Variants in RGS5 observed in about 807,000 individuals in gnomAD.
RGS5 encodes the protein regulator of G protein signaling 5.
Under a neutral mutation model 18.9 loss-of-function variants are expected in RGS5, and 20 were observed. The observed-to-expected ratio is 1.06, with a 90% confidence interval of 0.74 to 1.54. RGS5 has a LOEUF of 1.54. Among genes scored for constraint, RGS5 ranks in the 40% most tolerant of loss-of-function variants. The probability of loss-of-function intolerance (pLI) is 0.00; values close to 1 mark genes in which losing one functional copy is unlikely to be tolerated. For missense variants in RGS5, 201 were observed against 211.8 expected (o/e 0.95, Z 0.32); for synonymous variants, 57 against 76.2 (o/e 0.75, Z 1.31).
chr1:163,274,255 T>G (rs900016756), intron 2 of RGS5, among the ~76,000 whole-genome samples: 3 of 151,662 alleles, frequency 2.0e-5, no homozygotes, highest in African/African-American at 7.3e-5. Context: ...AGACAAGAAA[T>G]TAGAGGGTTG....
At chr1:163,236,229 C>T (rs1038274130) in intron 2 of RGS5, among the ~76,000 whole-genome samples, 1 of 151,972 alleles carries the variant, frequency 6.6e-6, no homozygotes, top group Admixed American at 6.6e-5. Flanking sequence ...TTTCCCAAAA[C>T]ACCTCATTGA....
intron 2 of RGS5, among the ~76,000 whole-genome samples, chr1:163,227,374 A>G (rs1439337643): frequency 6.6e-6 from 1 of 152,178 alleles, no homozygotes; most frequent in Non-Finnish European, 1.5e-5. Flanking sequence ...GGGTGGCAGG[A>G]GAGAGAATGA....
At chr1:163,197,037 T>C (rs748478777) in intron 1 of RGS5, among the ~76,000 whole-genome samples, 1 of 152,182 alleles carries the variant, frequency 6.6e-6, no homozygotes, top group Non-Finnish European at 1.5e-5. Flanking sequence ...GGGAGGACTA[T>C]CTTTCCCCTG....
rs1392771881 is a variant in RGS5, at chr1:163,152,612, T to C, written c.322A>G (p.Lys108Glu). 1.2e-6 allele frequency: 2 copies of C among 1,612,952 alleles called. No homozygotes were observed. Among genetic ancestry groups the C allele is most frequent in the Non-Finnish European group, 1.7e-6 (2 of 1,179,398 alleles). The part of the protein sequence containing the change: ...EDYKKIKSPA[K>E]MAEKAKQIYE... ...ATTTGCTTTGCCTTCTCAGCCATCT[T>C]GGCAGGGGACTTGATCTTCTTGTAA... The change falls in exon 4 of 5, where the codon AAG becomes GAG. Residue 108 changes from lysine (K) to glutamate (E), a missense_variant. Lys to Glu is a moderately conservative substitution (Grantham distance 56). Transcript: ENST00000313961.
chr1:163,236,448 C>T lies in RGS5; in HGVS notation c.-280-68080G>A, dbSNP rs184908398. The stretch of plus-strand genomic sequence containing the variant: ...GGAAAATTGTAACAAATATACATAC[C>T]TATGATGACTATAAATGTGAATGGC... On this transcript the variant is annotated intron_variant, in intron 2 of 5. Coordinates refer to the RGS5 transcript ENST00000618415. Among the ~76,000 whole-genome samples the T allele has an allele frequency of 3.3e-5, 5 of 152,080 alleles. No homozygotes were observed. The East Asian group carries it at 9.7e-4, about 29-fold the overall frequency.
intron 2 of RGS5, among the ~76,000 whole-genome samples, chr1:163,234,229 T>G (rs1010419483): frequency 1.3e-5 from 2 of 152,208 alleles, no homozygotes; most frequent in Non-Finnish European, 2.9e-5. Flanking sequence ...ATAAAATTCC[T>G]CTCTATTTCT....
intron 2 of RGS5, among the ~76,000 whole-genome samples, chr1:163,253,759 C>A (rs1182056504): frequency 2.0e-5 from 3 of 151,602 alleles, no homozygotes; most frequent in African/African-American, 7.3e-5. Context: ...ATTAACTCGT[C>A]ATTTAGCATT....
upstream of RGS5, among the ~76,000 whole-genome samples, chr1:163,222,462 A>T (rs1176214170): frequency 1.3e-5 from 2 of 152,132 alleles, no homozygotes; most frequent in Non-Finnish European, 2.9e-5. Context: ...GGGGACCATC[A>T]TATCACCTGA....
chr1:163,199,436 C>T (rs1238283693), intron 1 of RGS5, among the ~76,000 whole-genome samples: 1 of 152,082 alleles, frequency 6.6e-6, no homozygotes, highest in Non-Finnish European at 1.5e-5. Context: ...TTAGATTTCT[C>T]CTTACATGTC....
At chr1:163,217,107 G>A (rs1184943622) in intron 1 of RGS5, among the ~76,000 whole-genome samples, 5 of 152,110 alleles carry the variant, frequency 3.3e-5, no homozygotes, top group Non-Finnish European at 7.4e-5. Flanking sequence ...GAAGAAGAGA[G>A]AGAATAAAAA....
chr1:163,187,642 T>C (rs1430294017), intron 1 of RGS5, among the ~76,000 whole-genome samples: 2 of 151,918 alleles, frequency 1.3e-5, no homozygotes, highest in East Asian at 3.9e-4. Flanking sequence ...CACCTGGAGG[T>C]TCCCAGAGGA....
chr1:163,168,999 C>T (rs1487301298), intron 1 of RGS5, among the ~76,000 whole-genome samples: 1 of 150,376 alleles, frequency 6.6e-6, no homozygotes, highest in Non-Finnish European at 1.5e-5. Flanking sequence ...TCTCCCAATG[C>T]TATCCCTCCC....
At chr1:163,311,081 C>A (rs1188147801) in intron 1 of RGS5, among the ~76,000 whole-genome samples, 14 of 152,260 alleles carry the variant, frequency 9.2e-5, no homozygotes, top group Non-Finnish European at 1.5e-5. Flanking sequence ...TAATTCAAGA[C>A]CAGATTTGTG....
Position 163,145,638 on chromosome 1 carries a change from C to G in RGS5, c.*1704G>C, listed in dbSNP as rs559003500. The G allele has an allele frequency of 2.2e-4, 34 of 152,206 alleles. No individual in the cohort carries two copies. The highest frequency in any genetic ancestry group is 7.9e-4 in the African/African-American group (33 of 41,524). The allele number at this position is 152,206 out of a possible 1,614,324, so 9.4% of individuals were successfully genotyped here. ...CCACTAGCAATTGTTGGCAGAACACCCAACCACTCTACCCAGTTTCAGAAT... is the reference window on the plus strand; with the variant it reads ...CCACTAGCAATTGTTGGCAGAACACGCAACCACTCTACCCAGTTTCAGAAT... On this transcript the variant is annotated 3_prime_UTR_variant, in exon 5 of 5. Coordinates refer to ENST00000313961, the MANE Select transcript of RGS5 (RefSeq NM_003617.4).
At chr1:163,170,488 C>T (rs1288197988) in intron 1 of RGS5, among the ~76,000 whole-genome samples, 1 of 152,074 alleles carries the variant, frequency 6.6e-6, no homozygotes, top group Admixed American at 6.6e-5. Context: ...CTATTGTACA[C>T]ATACTTTCCT....
intron 2 of RGS5, among the ~76,000 whole-genome samples, chr1:163,268,510 A>G (rs1648630258): frequency 6.6e-6 from 1 of 152,070 alleles, no homozygotes; most frequent in Non-Finnish European, 1.5e-5. Flanking sequence ...TTCCTAGAGA[A>G]AGCAAACTCC....
chr1:163,147,521 G>A lies in RGS5; in HGVS notation c.385-18C>T, dbSNP rs767889847. The A allele has an allele frequency of 7.1e-6, 11 of 1,558,532 alleles. No homozygotes were observed. In the Admixed American group the frequency reaches 2.2e-4, roughly 31 times the overall value. On this transcript the variant is annotated intron_variant, in intron 4 of 4. Coordinates refer to ENST00000313961, the MANE Select transcript of RGS5 (RefSeq NM_003617.4). ...ATATTCACCTGTGGGCCAGGAAACA[G>A]GGTCACTACATAAGCCTAAGTTATA...
intron 1 of RGS5, among the ~76,000 whole-genome samples, chr1:163,317,991 T>C (rs1056022936): frequency 1.3e-5 from 2 of 152,128 alleles, no homozygotes; most frequent in African/African-American, 4.8e-5. Context: ...AATGAATATT[T>C]TCTGAATGAA....
upstream of RGS5, among the ~76,000 whole-genome samples, chr1:163,218,151 C>A (rs1002965161): frequency 6.6e-6 from 1 of 152,122 alleles, no homozygotes; most frequent in Non-Finnish European, 1.5e-5. Flanking sequence ...CCCATGAGTT[C>A]TTCATCAGGG....
Sources: allele counts gnomAD v4.1 joint callset (sites outside exome capture counted in the v4.1 genomes callset), GRCh38; gene constraint gnomAD v4.1.1; transcripts MANE v1.5; gene names NCBI Gene and HGNC (gene_info 2026-07-23, HGNC 2026-07-21).